The following PTPRD variants were observed in gnomAD, a reference collection of about 807,000 sequenced individuals.
PTPRD encodes the protein protein tyrosine phosphatase receptor type D.
PTPRD carries 34 observed loss-of-function variants against 214.5 expected under a neutral mutation model. The ratio of observed to expected loss-of-function variants is 0.16; its 90% CI spans 0.12 to 0.21. PTPRD has a LOEUF of 0.21. Ranked by LOEUF, PTPRD falls within the 10% of genes least tolerant of loss-of-function variation. The pLI, the probability that PTPRD is intolerant of heterozygous loss-of-function variation, is 1.00. For synonymous variants in PTPRD, 1,128 were observed against 845.7 expected (o/e 1.33, Z -5.79); for missense variants, 2,545 against 2,398.7 (o/e 1.06, Z -1.27).
At chr9:8,654,114 T>G (rs1399032993) in intron 12 of PTPRD, among the ~76,000 whole-genome samples, 7 of 152,204 alleles carry the variant, frequency 4.6e-5, no homozygotes, top group Admixed American at 4.6e-4. Flanking sequence ...TAGCTACCAG[T>G]TGTGACAATC....
intron 9 of PTPRD, among the ~76,000 whole-genome samples, chr9:9,298,107 G>T (rs979401177): frequency 6.6e-6 from 1 of 151,706 alleles, no homozygotes. Flanking sequence ...GAAACTGGGA[G>T]TGTAGTGGCA....
intron 20 of PTPRD, 125 bp downstream of exon 20, chr9:8,521,152 T>C: frequency 8.7e-7 from 1 of 1,150,094 alleles, no homozygotes; most frequent in South Asian, 1.6e-5. Context: ...TATGATTAGG[T>C]TATACACACA....
intron 9 of PTPRD, among the ~76,000 whole-genome samples, chr9:9,358,037 T>C (rs2054527422): frequency 6.6e-6 from 1 of 151,194 alleles, no homozygotes; most frequent in Non-Finnish European, 1.5e-5. Flanking sequence ...AATATGAGAT[T>C]TTTCTATAAG....
chr9:9,364,903 C>A (rs1264976441), intron 9 of PTPRD, among the ~76,000 whole-genome samples: 1 of 151,312 alleles, frequency 6.6e-6, no homozygotes, highest in African/African-American at 2.4e-5. Context: ...ATAATCCAGG[C>A]AAAACCTAAT....
In PTPRD at chr9:10,131,149, G is replaced by A. The variant is rs114308216; in HGVS notation, c.-544-97359C>T. 9.2e-3 allele frequency among the ~76,000 whole-genome samples: 1,393 copies of A among 152,178 alleles called. 33 individuals are homozygous for A. Among genetic ancestry groups the A allele is most frequent in the African/African-American group, 0.032 (1,322 of 41,528 alleles). ...TTCTGGGAGGAATAAAGAGAGTGAG[G>A]ATGGAGCAAATCTCTAAGAAAAACA... On this transcript the variant is annotated intron_variant, in intron 3 of 45. Coordinates refer to ENST00000381196, the MANE Select transcript of PTPRD (RefSeq NM_002839.4).
At chr9:8,621,421 A>G (rs1029413074) in intron 14 of PTPRD, among the ~76,000 whole-genome samples, 4 of 152,006 alleles carry the variant, frequency 2.6e-5, no homozygotes, top group African/African-American at 7.2e-5. Flanking sequence ...AATAATCACA[A>G]TCATATCTTA....
At chr9:9,953,493 GACACACACACAC>G (rs59836734) in intron 4 of PTPRD, among the ~76,000 whole-genome samples, 15 of 145,326 alleles carry the variant, frequency 1.0e-4, no homozygotes, top group Non-Finnish European at 2.0e-4. Flanking sequence ...GGGAATTGTG[GACACACACACAC>G]ACACACACAC....
At chr9:9,811,474 G>A (rs1227570015) in intron 5 of PTPRD, among the ~76,000 whole-genome samples, 1 of 152,258 alleles carries the variant, frequency 6.6e-6, no homozygotes. Flanking sequence ...TTGGGAGGCC[G>A]AGGTGGGCGG....
At chr9:9,454,693 G>A (rs925991652) in intron 8 of PTPRD, among the ~76,000 whole-genome samples, 3 of 151,514 alleles carry the variant, frequency 2.0e-5, no homozygotes, top group African/African-American at 7.3e-5. Flanking sequence ...TCTTAACTGT[G>A]TATATTTGTA....
At chr9:8,875,107 TTAA>T (rs2098371210) in intron 11 of PTPRD, among the ~76,000 whole-genome samples, 1 of 152,138 alleles carries the variant, frequency 6.6e-6, no homozygotes, top group Non-Finnish European at 1.5e-5. Flanking sequence ...TAATCCCCCT[TTAA>T]AGTTTTGGGG....
chr9:8,794,604 A>G (rs1030989623), intron 11 of PTPRD, among the ~76,000 whole-genome samples: 5 of 150,838 alleles, frequency 3.3e-5, no homozygotes, highest in African/African-American at 1.2e-4. Flanking sequence ...TTAGCCTCCC[A>G]AGTAGCTGGA....
chr9:9,357,374 T>C (rs1431155721), intron 9 of PTPRD, among the ~76,000 whole-genome samples: 1 of 151,306 alleles, frequency 6.6e-6, no homozygotes, highest in Non-Finnish European at 1.5e-5. Flanking sequence ...ATTTTACCAA[T>C]TTTTATTCCT....
At chr9:10,347,894 CT>C (rs779486847) in intron 2 of PTPRD, among the ~76,000 whole-genome samples, 27 of 152,026 alleles carry the variant, frequency 1.8e-4, no homozygotes, top group Non-Finnish European at 3.4e-4. Context: ...CCTATCTCTA[CT>C]AAAAATACAA....
intron 12 of PTPRD, among the ~76,000 whole-genome samples, chr9:8,660,326 ATTAT>A (rs1280715828): frequency 6.6e-6 from 1 of 152,092 alleles, no homozygotes; most frequent in Non-Finnish European, 1.5e-5. Context: ...ACTTGCATGT[ATTAT>A]TTGTTTTCCT....
chr9:8,900,193 G>A (rs1353069153), intron 11 of PTPRD, among the ~76,000 whole-genome samples: 3 of 151,958 alleles, frequency 2.0e-5, no homozygotes. Context: ...TAGGTTCAAA[G>A]GTATTACCTT....
At chr9:9,574,257 T>A (rs2087605420) in intron 8 of PTPRD, among the ~76,000 whole-genome samples, 1 of 151,956 alleles carries the variant, frequency 6.6e-6, no homozygotes, top group Non-Finnish European at 1.5e-5. Flanking sequence ...AGAAGTCACT[T>A]GTTATTTATT....
At chr9:10,602,171 A>C (rs1181916993) in intron 2 of PTPRD, among the ~76,000 whole-genome samples, 1 of 151,826 alleles carries the variant, frequency 6.6e-6, no homozygotes, top group African/African-American at 2.4e-5. Context: ...GTATTAATTA[A>C]AATTTTAACC....
chr9:10,177,537 G>A (rs2099256477), intron 3 of PTPRD, among the ~76,000 whole-genome samples: 1 of 151,742 alleles, frequency 6.6e-6, no homozygotes, highest in Admixed American at 6.6e-5. Context: ...GGAAAGATAG[G>A]CGGGACAGGA....
chr9:10,492,292 C>T (rs2040550756), intron 2 of PTPRD, among the ~76,000 whole-genome samples: 1 of 152,112 alleles, frequency 6.6e-6, no homozygotes, highest in Admixed American at 6.5e-5. Context: ...GCCACACAGT[C>T]TTCCACAATG....
Sources: allele counts gnomAD v4.1 joint callset (sites outside exome capture counted in the v4.1 genomes callset), GRCh38; gene constraint gnomAD v4.1.1; transcripts MANE v1.5; gene names NCBI Gene and HGNC (gene_info 2026-07-23, HGNC 2026-07-21).